Variants in LEKR1 observed in about 807,000 individuals in gnomAD.
LEKR1 encodes leucine, glutamate and lysine rich 1.
In LEKR1, 59 loss-of-function variants were observed where a neutral mutation model predicts 72.4. The observed-to-expected ratio is 0.82, with a 90% CI of 0.66 to 1.01. The LOEUF (loss-of-function observed/expected upper bound fraction) is 1.01, where lower values mean the gene tolerates loss of function less well. Ranked by LOEUF, LEKR1 falls within the 50% of genes least tolerant of loss-of-function variation. The pLI, the probability that LEKR1 is intolerant of heterozygous loss-of-function variation, is 0.00. For missense variants in LEKR1, 728 were observed against 759.2 expected, an observed-to-expected ratio of 0.96 and a Z score of 0.48; for synonymous variants, 257 against 263.2, an observed-to-expected ratio of 0.98 and a Z score of 0.23.
intron 3 of LEKR1, among the ~76,000 whole-genome samples, chr3:156,891,727 A>G (rs1004534788): frequency 4.6e-5 from 7 of 152,150 alleles, no homozygotes; most frequent in Non-Finnish European, 7.4e-5. Context: ...CTTAAGTACT[A>G]TATAGGTATA....
chr3:156,829,198 C>G, intron 1 of LEKR1, 88 bp from the exon 2 acceptor site: 1 of 591,304 alleles, frequency 1.7e-6, no homozygotes, highest in South Asian at 2.1e-5. Flanking sequence ...CCATTCATCC[C>G]CAAATACTTC....
chr3:156,931,697 G>A (rs1303854876), intron 5 of LEKR1, among the ~76,000 whole-genome samples: 1 of 152,074 alleles, frequency 6.6e-6, no homozygotes, highest in African/African-American at 2.4e-5. Context: ...TGGTAGCATG[G>A]ATAATCCTCA....
At chr3:156,852,101 C>T (rs1371739110) in intron 2 of LEKR1, 3 of 152,038 alleles carry the variant, frequency 2.0e-5, no homozygotes. Flanking sequence ...TTAAATAGAC[C>T]TGAGTTTTAA....
chr3:157,039,620 A>G (rs984327888), intron 12 of LEKR1, among the ~76,000 whole-genome samples: 1 of 152,206 alleles, frequency 6.6e-6, no homozygotes, highest in African/African-American at 2.4e-5. Context: ...CCCTGTCTCA[A>G]AAAACGAAAA....
intron 10 of LEKR1, among the ~76,000 whole-genome samples, chr3:157,016,449 A>G (rs1733345572): frequency 6.6e-6 from 1 of 152,150 alleles, no homozygotes; most frequent in Non-Finnish European, 1.5e-5. Context: ...TAGGGGGGCA[A>G]TGAGGAAAGC....
intron 3 of LEKR1, among the ~76,000 whole-genome samples, chr3:156,909,813 G>A (rs886223158): frequency 6.6e-6 from 1 of 151,890 alleles, no homozygotes; most frequent in Non-Finnish European, 1.5e-5. Flanking sequence ...ATATTTTGGT[G>A]CTATGTTATT....
chr3:157,024,683 T>C, intron 10 of LEKR1, 77 bp from the exon 11 acceptor site: 1 of 1,040,196 alleles, frequency 9.6e-7, no homozygotes, highest in Admixed American at 2.6e-5. Flanking sequence ...TTTTAAAACT[T>C]AGAGTTTGAA....
intron 3 of LEKR1, among the ~76,000 whole-genome samples, chr3:156,915,849 G>C (rs983181249): frequency 6.6e-6 from 1 of 152,130 alleles, no homozygotes; most frequent in Non-Finnish European, 1.5e-5. Flanking sequence ...CCTATGTCCA[G>C]AATGGTATTG....
At chr3:156,925,333 T>TGTGTGTGTGTGTGTGTGTG (rs368776705) in intron 4 of LEKR1, 1 of 74,912 alleles carries the variant, frequency 1.3e-5, no homozygotes, top group African/African-American at 3.5e-5. Flanking sequence ...GTGTGTGTGT[T>TGTGTGTGTGTGTGTGTGTG]TGTGTGTGTC....
chr3:157,013,438 G>T (rs1733063674), intron 10 of LEKR1, among the ~76,000 whole-genome samples: 1 of 152,090 alleles, frequency 6.6e-6, no homozygotes, highest in East Asian at 1.9e-4. Flanking sequence ...AAGCATTTAT[G>T]TTCTTGCTTT....
chr3:157,006,210 T>A (rs1732421278), intron 9 of LEKR1, among the ~76,000 whole-genome samples: 1 of 149,416 alleles, frequency 6.7e-6, no homozygotes, highest in Admixed American at 6.7e-5. Context: ...TTTCACCTTG[T>A]TAGCCAGGAT....
chr3:156,941,822 T>G (rs769431784), intron 5 of LEKR1, among the ~76,000 whole-genome samples: 3 of 152,084 alleles, frequency 2.0e-5, no homozygotes, highest in Non-Finnish European at 4.4e-5. Context: ...AGGGAGCTTA[T>G]TAATTATTCT....
intron 6 of LEKR1, among the ~76,000 whole-genome samples, chr3:156,958,627 G>T (rs1209827486): frequency 1.3e-5 from 2 of 151,900 alleles, no homozygotes; most frequent in African/African-American, 4.8e-5. Flanking sequence ...CCCATCTATT[G>T]ACCTTGGGCT....
At chr3:156,972,378 GA>G (rs1175782132) in intron 6 of LEKR1, among the ~76,000 whole-genome samples, 1 of 151,984 alleles carries the variant, frequency 6.6e-6, no homozygotes, top group Admixed American at 6.6e-5. Flanking sequence ...AGCATTAGGA[GA>G]TATACCTAAT....
chr3:157,012,243 A>G (rs1299546735), intron 10 of LEKR1, among the ~76,000 whole-genome samples: 3 of 152,054 alleles, frequency 2.0e-5, no homozygotes, highest in African/African-American at 7.2e-5. Context: ...ACTGACCCAA[A>G]GCATTCCCAA....
intron 10 of LEKR1, among the ~76,000 whole-genome samples, chr3:157,022,259 G>A (rs919066456): frequency 6.6e-6 from 1 of 152,138 alleles, no homozygotes; most frequent in South Asian, 2.1e-4. Flanking sequence ...GCCATATACA[G>A]GAGTTTTGAT....
chr3:157,004,382 G>T (rs866492413), intron 9 of LEKR1, among the ~76,000 whole-genome samples: 2 of 152,146 alleles, frequency 1.3e-5, no homozygotes, highest in African/African-American at 4.8e-5. Context: ...TATTGTTAAA[G>T]ATGTCAATAC....
chr3:156,967,958 C>T lies in LEKR1; in HGVS notation c.746-11236C>T, dbSNP rs6808659. 2.1e-3 allele frequency among the ~76,000 whole-genome samples: 322 copies of T among 152,240 alleles called. 2 individuals are homozygous for T. The highest frequency in any genetic ancestry group is 7.5e-3 in the African/African-American group (310 of 41,536). ...GAAACTCTACAAGCCAGAAGAGAGG[C>T]GGGGCCAATATTCAACATTCTTAAA... On this transcript the variant is annotated intron_variant, in intron 6 of 12. Coordinates refer to ENST00000356539, the MANE Select transcript of LEKR1 (RefSeq NM_001004316.3).
At chr3:156,999,131 T>C (rs944479664) in intron 9 of LEKR1, among the ~76,000 whole-genome samples, 5 of 152,184 alleles carry the variant, frequency 3.3e-5, no homozygotes, top group African/African-American at 9.7e-5. Flanking sequence ...TACTCCATGA[T>C]TGTAAGTTTC....
Sources: allele counts gnomAD v4.1 joint callset (sites outside exome capture counted in the v4.1 genomes callset), GRCh38; gene constraint gnomAD v4.1.1; transcripts MANE v1.5; gene names NCBI Gene and HGNC (gene_info 2026-07-23, HGNC 2026-07-21).